The following RTP2 variants were observed in gnomAD, a reference collection of about 807,000 sequenced individuals.
The protein encoded by RTP2 is receptor-transporting protein 2.
RTP2 carries 12 observed loss-of-function variants against 17.9 expected under a neutral mutation model. The observed-to-expected ratio is 0.67, with a 90% CI of 0.43 to 1.09. The LOEUF is 1.09. Among genes scored for constraint, RTP2 ranks in the 50% least tolerant of loss-of-function variants. RTP2 has a pLI of 0.00. For synonymous variants in RTP2, 126 were observed against 117.7 expected (o/e 1.07, Z -0.46); for missense variants, 327 against 295.7 (o/e 1.11, Z -0.78).
intron 1 of RTP2, 74 bp from the exon 2 acceptor site, chr3:187,699,085 A>G (rs1717777250): frequency 6.9e-7 from 1 of 1,450,106 alleles, no homozygotes; most frequent in Non-Finnish European, 9.2e-7. Flanking sequence ...TCTGAGAGGG[A>G]AAAAAAAGCC....
the RTP2 span, among the ~76,000 whole-genome samples, chr3:187,713,784 G>T: frequency 3.9e-5 from 6 of 152,158 alleles, no homozygotes; most frequent in African/African-American, 1.2e-4. Flanking sequence ...CAGGAGGGGT[G>T]GGGGGAGCAA....
At chr3:187,710,551 A>G in the RTP2 span, among the ~76,000 whole-genome samples, 2 of 151,562 alleles carry the variant, frequency 1.3e-5, no homozygotes, top group African/African-American at 2.4e-5. Context: ...ATATATATAT[A>G]TATGTGTGTG....
At chr3:187,715,647 C>T in the RTP2 span, 10 of 456,548 alleles carry the variant, frequency 2.2e-5, no homozygotes, top group Non-Finnish European at 4.4e-5. Context: ...GAATTCTCAC[C>T]ACTGGTTCTA....
At chr3:187,706,468 A>G (rs1717993406), upstream of RTP2, among the ~76,000 whole-genome samples, 1 of 152,232 alleles carries the variant, frequency 6.6e-6, no homozygotes, top group Non-Finnish European at 1.5e-5. Context: ...TTTAAAACAG[A>G]AAGATCCCTT....
chr3:187,702,201 G>A, exon 1 of RTP2: 1 of 1,438,546 alleles, frequency 7.0e-7, no homozygotes, highest in Non-Finnish European at 9.5e-7. Flanking sequence ...ATAGGTACGG[G>A]ACAATTCAGT....
At chr3:187,698,560 C>T in exon 2 of RTP2, 1 of 1,614,124 alleles carries the variant, frequency 6.2e-7, no homozygotes. Flanking sequence ...CAGAGAGAGG[C>T]CCAGAAGAGG....
upstream of RTP2, among the ~76,000 whole-genome samples, chr3:187,706,499 G>A (rs747442068): frequency 6.6e-5 from 10 of 152,190 alleles, no homozygotes; most frequent in African/African-American, 9.7e-5. Context: ...ACAAGAAAAT[G>A]GCCACAACTA....
At chr3:187,707,477 T>A (rs562598399), upstream of RTP2, among the ~76,000 whole-genome samples, 24 of 151,990 alleles carry the variant, frequency 1.6e-4, no homozygotes, top group East Asian at 3.7e-3. Context: ...ATAAAAAAAA[T>A]GTTAAAGGGG....
At chr3:187,708,948 C>T in the RTP2 span, among the ~76,000 whole-genome samples, 1 of 139,298 alleles carries the variant, frequency 7.2e-6, no homozygotes, top group Non-Finnish European at 1.5e-5. Flanking sequence ...AAGCTATTCC[C>T]TAGGCCCAGT....
chr3:187,705,427 C>A (rs1298431507), upstream of RTP2, among the ~76,000 whole-genome samples: 2 of 152,184 alleles, frequency 1.3e-5, no homozygotes, highest in African/African-American at 2.4e-5. Flanking sequence ...ATTGTGCTGG[C>A]TTTTAAAGCA....
At chr3:187,698,373 A>G in exon 2 of RTP2, 2 of 776,756 alleles carry the variant, frequency 2.6e-6, no homozygotes, top group Non-Finnish European at 4.1e-6. Flanking sequence ...CAGATGCATT[A>G]ACTGAGGCCC....
the RTP2 span, among the ~76,000 whole-genome samples, chr3:187,713,105 G>T: frequency 1.3e-5 from 2 of 152,100 alleles, no homozygotes; most frequent in African/African-American, 4.8e-5. Flanking sequence ...ACCTCCTCAG[G>T]CCCTCAGCAC....
upstream of RTP2, among the ~76,000 whole-genome samples, chr3:187,704,022 C>T (rs920456287): frequency 1.3e-5 from 2 of 152,166 alleles, no homozygotes; most frequent in Admixed American, 1.3e-4. Context: ...GCGAATGACA[C>T]TATCTTATTC....
chr3:187,698,742 G>A (rs141397283), exon 2 of RTP2: 2 of 1,613,768 alleles, frequency 1.2e-6, no homozygotes, highest in Non-Finnish European at 1.7e-6. Context: ...CCCGCTGTCC[G>A]GGCGGCTGGC....
At chr3:187,712,849 G>C in the RTP2 span, among the ~76,000 whole-genome samples, 1 of 152,176 alleles carries the variant, frequency 6.6e-6, no homozygotes, top group Non-Finnish European at 1.5e-5. Flanking sequence ...TTTCCAAAAG[G>C]GGTCCTGAAG....
At chr3:187,703,120 G>A (rs1313622527), upstream of RTP2, among the ~76,000 whole-genome samples, 2 of 152,186 alleles carry the variant, frequency 1.3e-5, no homozygotes, top group African/African-American at 4.8e-5. Context: ...TTCAAATTTG[G>A]TAATCCAAGT....
exon 2 of RTP2, chr3:187,698,450 T>G: frequency 6.6e-7 from 1 of 1,505,978 alleles, no homozygotes. Context: ...GACTGTGTCC[T>G]CCCCACTCTC....
exon 1 of RTP2, chr3:187,702,011 G>T: frequency 6.2e-7 from 1 of 1,612,174 alleles, no homozygotes; most frequent in Non-Finnish European, 8.5e-7. Flanking sequence ...CCAGGGGCCA[G>T]CTCACTGGGC....
At chr3:187,699,124 GTGTT>G in intron 1 of RTP2, 113 bp from the exon 2 acceptor site, 6 of 1,259,562 alleles carry the variant, frequency 4.8e-6, no homozygotes, top group Middle Eastern at 2.2e-4. Flanking sequence ...GATGGAGGCA[GTGTT>G]TACTGCCCTG....
Sources: allele counts gnomAD v4.1 joint callset (sites outside exome capture counted in the v4.1 genomes callset), GRCh38; gene constraint gnomAD v4.1.1; transcripts MANE v1.5; gene names NCBI Gene and HGNC (gene_info 2026-07-23, HGNC 2026-07-21).